Variants in ZSCAN21 observed in about 807,000 individuals in gnomAD.
ZSCAN21 encodes the protein zinc finger and SCAN domain-containing protein 21.
A neutral mutation model predicts 35.6 loss-of-function variants in ZSCAN21; 26 were observed. The observed-to-expected ratio is 0.73, with a 90% confidence interval of 0.54 to 1.01. ZSCAN21 has a LOEUF of 1.01. Among genes scored for constraint, ZSCAN21 ranks in the 50% least tolerant of loss-of-function variants. The pLI is 0.00. For missense variants in ZSCAN21, 593 were observed against 587.1 expected, an observed-to-expected ratio of 1.01 and a Z score of -0.10; for synonymous variants, 219 against 219.3, an observed-to-expected ratio of 1.00 and a Z score of 0.01.
chr7:100,055,890 CCT>C (rs1792057281), intron 1 of ZSCAN21, among the ~76,000 whole-genome samples: 5 of 150,974 alleles, frequency 3.3e-5, no homozygotes, highest in African/African-American at 1.2e-4. Context: ...GATCCGCCCG[CCT>C]TGGCCTCCCA....
Position 100,057,353 on chromosome 7 carries a change from C to T in ZSCAN21, c.347C>T (p.Ala116Val). 1 of 1,588,364 alleles carries T rather than the reference C, an allele frequency of 6.3e-7. No individual in the cohort carries two copies. The highest frequency in any genetic ancestry group is 8.6e-7 in the Non-Finnish European group (1 of 1,168,434). Residue 116 changes from alanine to valine, a missense_variant, in exon 2 of 4, where the codon GCT becomes GTT. By Grantham distance (64) the Ala-to-Val change is moderately conservative. Transcript: ENST00000292450. ...CATTGCCCGGAGAGCGCTGAAGAGGCTGTCACTCTCCTCGAAGATCTGGAG... is the reference window on the plus strand; with the variant it reads ...CATTGCCCGGAGAGCGCTGAAGAGGTTGTCACTCTCCTCGAAGATCTGGAG... ...QEHCPESAEE[A>V]VTLLEDLERE...
chr7:100,061,908 G>T (rs1047737804), intron 3 of ZSCAN21, among the ~76,000 whole-genome samples: 1 of 152,210 alleles, frequency 6.6e-6, no homozygotes, highest in African/African-American at 2.4e-5. Flanking sequence ...GATGTGGATG[G>T]CCAGGTGGAC....
Position 100,057,010 on chromosome 7 carries a change from A to T in ZSCAN21, c.4A>T (p.Met2Leu). 3 of 1,587,570 alleles carry T rather than the reference A, an allele frequency of 1.9e-6. No homozygotes were observed. Among genetic ancestry groups the T allele is most frequent in the Non-Finnish European group, 2.6e-6 (3 of 1,165,682 alleles). The change falls in exon 2 of 4, where the codon ATG becomes TTG. Residue 2 changes from methionine (M) to leucine (L), a missense_variant. By Grantham distance (15) the Met-to-Leu change is conservative. Transcript: ENST00000292450. M[M>L]TKVLGMAPVL... ...TGAGGCTGTTTCTGGAGTTTACATGATGACCAAGGTACTAGGCATGGCCCC... is the reference window on the plus strand; with the variant it reads ...TGAGGCTGTTTCTGGAGTTTACATGTTGACCAAGGTACTAGGCATGGCCCC...
chr7:100,057,825 G>A lies in ZSCAN21; in HGVS notation c.527G>A (p.Gly176Glu), dbSNP rs771535829. The change falls in exon 3 of 4, where the codon GGG (glycine) becomes GAG (glutamate). Residue 176 changes from glycine (G) to glutamate (E), a missense_variant. Coordinates refer to ENST00000292450, the MANE Select transcript of ZSCAN21 (RefSeq NM_145914.3). ...ACCAGTCACAAATACGAGTCTTGGG[G>A]GCCCCTGTACATCCAAGAGTCTGGT... is the stretch of plus-strand genomic sequence containing the variant. The part of the protein sequence containing the change: ...LETSHKYESW[G>E]PLYIQESGEE... 1.4e-5 allele frequency: 22 copies of A among 1,613,952 alleles called. No homozygotes were observed. The highest frequency in any genetic ancestry group is 1.8e-5 in the Non-Finnish European group (21 of 1,179,960).
At chr7:100,062,281 C>CTTT (rs921079005) in intron 3 of ZSCAN21, among the ~76,000 whole-genome samples, 7 of 96,640 alleles carry the variant, frequency 7.2e-5, no homozygotes, top group African/African-American at 1.1e-4. Flanking sequence ...CTCAACTGTT[C>CTTT]TTTTTTTTTT....
intron 1 of ZSCAN21, among the ~76,000 whole-genome samples, chr7:100,054,840 A>C (rs1390601450): frequency 6.9e-6 from 1 of 144,692 alleles, no homozygotes; most frequent in South Asian, 2.1e-4. Flanking sequence ...CGCTGTCTCA[A>C]AAAAAAAAAA....
At chr7:100,056,622 G>T (rs973871046) in intron 1 of ZSCAN21, among the ~76,000 whole-genome samples, 1 of 151,916 alleles carries the variant, frequency 6.6e-6, no homozygotes. Flanking sequence ...CCATCACCAC[G>T]CCTGGCTAAT....
chr7:100,060,014 CTG>C (rs1792225831), intron 3 of ZSCAN21, among the ~76,000 whole-genome samples: 1 of 152,124 alleles, frequency 6.6e-6, no homozygotes, highest in Non-Finnish European at 1.5e-5. Flanking sequence ...AGCCAAGAAA[CTG>C]TTAATAAAAA....
chr7:100,050,738 G>T (rs1791829171), intron 1 of ZSCAN21, among the ~76,000 whole-genome samples: 1 of 152,086 alleles, frequency 6.6e-6, no homozygotes, highest in African/African-American at 2.4e-5. Flanking sequence ...GAGGTACTTG[G>T]AAACCCACGA....
In ZSCAN21 at chr7:100,064,812, A is replaced by G. The variant is rs768186939; in HGVS notation, c.*195A>G. On this transcript the variant is annotated 3_prime_UTR_variant, in exon 4 of 4. Transcript: ENST00000292450. ...CTCAGAAGGTGTCAGGAGGTTCCAC[A>G]CTCGCCAGTTCACTGGAGCAGAGTC... The G allele has an allele frequency of 5.7e-5, 92 of 1,613,876 alleles. No individual in the cohort carries two copies. Among genetic ancestry groups the G allele is most frequent in the Non-Finnish European group, 7.7e-5 (91 of 1,180,014 alleles).
intron 3 of ZSCAN21, among the ~76,000 whole-genome samples, chr7:100,060,713 T>C (rs1040019811): frequency 6.8e-6 from 1 of 146,376 alleles, no homozygotes; most frequent in African/African-American, 2.6e-5. Flanking sequence ...CCGGGCATGG[T>C]GGCACGTGTT....
rs1400416133 is a variant in ZSCAN21 at position 100,063,788 on chromosome 7, A to G, written c.593A>G (p.Asp198Gly). 2.5e-6 allele frequency: 4 copies of G among 1,599,184 alleles called. No homozygotes were observed. Among genetic ancestry groups the G allele is most frequent in the Non-Finnish European group, 3.4e-6 (4 of 1,174,608 alleles). The change falls in exon 4 of 4, where the codon GAT becomes GGT. Residue 198 changes from aspartate to glycine, a missense_variant and splice_region_variant. Physicochemically the swap from Asp to Gly is moderately conservative, Grantham distance 94 (BLOSUM62 -1). Transcript: ENST00000292450. ...ATCCTTAATCTGCTTATTGTTTCAG[A>G]TTGCAGATTGAGTACCCAGCACGAG... is the stretch of plus-strand genomic sequence containing the variant. ...EFAQDPRKVR[D>G]CRLSTQHEES...
intron 1 of ZSCAN21, among the ~76,000 whole-genome samples, chr7:100,055,035 A>G (rs532303631): frequency 1.0e-3 from 150 of 146,184 alleles, no homozygotes; most frequent in African/African-American, 3.5e-3. Context: ...GGCTCACTGC[A>G]TCCTTCCCCT....
At chr7:100,063,087 G>A (rs1044004378) in intron 3 of ZSCAN21, among the ~76,000 whole-genome samples, 1 of 152,078 alleles carries the variant, frequency 6.6e-6, no homozygotes, top group African/African-American at 2.4e-5. Flanking sequence ...TAGAAATGGG[G>A]TCTCCCTATG....
At position 100,057,862 on chromosome 7, in the gene ZSCAN21, G is replaced by A; in HGVS notation, c.564G>A (p.Glu188=). 6.2e-7 allele frequency: 1 copy of A among 1,611,580 alleles called. No individual in the cohort carries two copies. The highest frequency in any genetic ancestry group is 8.5e-7 in the Non-Finnish European group (1 of 1,178,804). ...LYIQESGEEQ[E]FAQDPRKVRD... is the part of the protein sequence containing the mutation. ...TCCAAGAGTCTGGTGAGGAGCAGGA[G>A]TTCGCTCAAGATCCAAGAAAGGTCC... is the stretch of plus-strand genomic sequence containing the variant. The change falls in exon 3 of 4, where the codon GAG becomes GAA. Residue 188 remains glutamate, a synonymous_variant. Coordinates refer to ENST00000292450, the MANE Select transcript of ZSCAN21 (RefSeq NM_145914.3).
At chr7:100,056,694 C>T (rs1409757435) in intron 1 of ZSCAN21, among the ~76,000 whole-genome samples, 2 of 152,116 alleles carry the variant, frequency 1.3e-5, no homozygotes, top group Non-Finnish European at 2.9e-5. Flanking sequence ...AAACTCCTGA[C>T]CTCATGTGAT....
chr7:100,059,433 G>A (rs1300893476), intron 3 of ZSCAN21, among the ~76,000 whole-genome samples: 1 of 152,122 alleles, frequency 6.6e-6, no homozygotes, highest in Admixed American at 6.6e-5. Context: ...AGGGTGGAGT[G>A]GAAGGATTAT....
intron 3 of ZSCAN21, among the ~76,000 whole-genome samples, chr7:100,059,096 T>C (rs1482246572): frequency 3.3e-5 from 5 of 152,210 alleles, no homozygotes; most frequent in Admixed American, 6.5e-5. Flanking sequence ...TGTAGACCAC[T>C]ATTTATGTGT....
chr7:100,062,312 C>CG (rs1469053316), intron 3 of ZSCAN21, among the ~76,000 whole-genome samples: 1 of 143,978 alleles, frequency 6.9e-6, no homozygotes, highest in Non-Finnish European at 1.5e-5. Context: ...TTTAAAGGGC[C>CG]GGGTGTGGTG....
Sources: allele counts gnomAD v4.1 joint callset (sites outside exome capture counted in the v4.1 genomes callset), GRCh38; gene constraint gnomAD v4.1.1; transcripts MANE v1.5; gene names NCBI Gene and HGNC (gene_info 2026-07-23, HGNC 2026-07-21).